The following ABCC9 variants were observed in gnomAD, a reference collection of about 807,000 sequenced individuals.
ABCC9 encodes ATP binding cassette subfamily C member 9.
In ABCC9, 95 loss-of-function variants were observed where a neutral mutation model predicts 188.3. The ratio of observed to expected loss-of-function variants is 0.50; its 90% CI spans 0.43 to 0.60. The LOEUF is 0.60. Ranked by LOEUF, ABCC9 falls within the 20% of genes least tolerant of loss-of-function variation. ABCC9 has a pLI of 0.00. For missense variants in ABCC9, 1,102 were observed against 1,876.3 expected (o/e 0.59, Z 7.62); for synonymous variants, 659 against 652.7 (o/e 1.01, Z -0.15).
At chr12:21,868,289 T>C (rs1420393763) in intron 18 of ABCC9, among the ~76,000 whole-genome samples, 1 of 152,164 alleles carries the variant, frequency 6.6e-6, no homozygotes, top group Non-Finnish European at 1.5e-5. Flanking sequence ...CCTGCTGCAG[T>C]AGGTCAGAGT....
chr12:21,830,931 G>T (rs535369395), intron 30 of ABCC9: 1 of 151,902 alleles, frequency 6.6e-6, no homozygotes, highest in Non-Finnish European at 1.5e-5. Flanking sequence ...GATGTTCAAA[G>T]GGTTATAGGA....
intron 5 of ABCC9, among the ~76,000 whole-genome samples, chr12:21,918,471 AC>A (rs1220818400): frequency 3.9e-5 from 6 of 152,192 alleles, no homozygotes. Context: ...ATTTGAAATA[AC>A]AGAAATCATA....
intron 4 of ABCC9, among the ~76,000 whole-genome samples, chr12:21,926,708 G>C (rs1449394244): frequency 1.3e-5 from 2 of 152,184 alleles, no homozygotes; most frequent in African/African-American, 4.8e-5. Context: ...TCAAGAATCA[G>C]GAATGGCTAC....
At chr12:21,836,164 G>C (rs554045342) in intron 30 of ABCC9, among the ~76,000 whole-genome samples, 68 of 152,168 alleles carry the variant, frequency 4.5e-4, no homozygotes, top group Middle Eastern at 3.4e-3. Context: ...GAGTCTCCTT[G>C]TCTCGGGCGT....
intron 15 of ABCC9, among the ~76,000 whole-genome samples, chr12:21,885,901 A>G (rs1300294740): frequency 6.6e-6 from 1 of 152,196 alleles, no homozygotes. Context: ...TATAATATAG[A>G]TTGATTTCCT....
In ABCC9 at chr12:21,838,187, CA is replaced by C; in HGVS notation, c.3474-18del. ...TGGAGGTCCCTAGTAGAGAGAGGGG[CA>C]AAAATAAACTTCATGTGCATCCAGA... On this transcript the variant is annotated intron_variant, in intron 29 of 39. Coordinates refer to ENST00000261200, the MANE Select transcript of ABCC9 (RefSeq NM_020297.4). 6.5e-7 allele frequency: 1 copy of C among 1,533,470 alleles called. No homozygotes were observed. The highest frequency in any genetic ancestry group is 9.0e-7 in the Non-Finnish European group (1 of 1,106,776). The allele number at this position is 1,533,470 out of a possible 1,614,324, so 95.0% of individuals were successfully genotyped here.
At chr12:21,823,650 GAAAGACAGCCTTTAGAT>G (rs1943184071) in intron 31 of ABCC9, among the ~76,000 whole-genome samples, 1 of 152,184 alleles carries the variant, frequency 6.6e-6, no homozygotes, top group African/African-American at 2.4e-5. Flanking sequence ...CAAAGCCTTG[GAAAGACAGCCTTTAGAT>G]AAAGTTACAC....
At chr12:21,839,912 G>A (rs1043160396) in intron 29 of ABCC9, among the ~76,000 whole-genome samples, 5 of 152,124 alleles carry the variant, frequency 3.3e-5, no homozygotes, top group Non-Finnish European at 7.4e-5. Context: ...AGTGGGAGAA[G>A]GAATATGAAG....
intron 37 of ABCC9, among the ~76,000 whole-genome samples, chr12:21,809,577 C>A (rs1022743156): frequency 6.6e-6 from 1 of 152,054 alleles, no homozygotes; most frequent in South Asian, 2.1e-4. Context: ...TTACAATGAC[C>A]TGTACCCACC....
chr12:21,873,294 G>A (rs1946174184), intron 17 of ABCC9, among the ~76,000 whole-genome samples: 1 of 152,048 alleles, frequency 6.6e-6, no homozygotes, highest in African/African-American at 2.4e-5. Context: ...TGATGCTATT[G>A]TGGATAGTAT....
chr12:21,903,054 G>A (rs1303349288), intron 12 of ABCC9, among the ~76,000 whole-genome samples: 1 of 152,148 alleles, frequency 6.6e-6, no homozygotes, highest in Non-Finnish European at 1.5e-5. Flanking sequence ...TAAAATACTG[G>A]TAAACTGAAT....
chr12:21,826,219 A>G (rs1943370121), intron 31 of ABCC9, among the ~76,000 whole-genome samples: 2 of 152,178 alleles, frequency 1.3e-5, no homozygotes, highest in Admixed American at 1.3e-4. Context: ...TACCATAGAT[A>G]AGATCAATGC....
intron 24 of ABCC9, among the ~76,000 whole-genome samples, chr12:21,850,083 C>G (rs1236901040): frequency 1.3e-5 from 2 of 151,592 alleles, no homozygotes; most frequent in African/African-American, 4.9e-5. Flanking sequence ...AGCCTTGACA[C>G]AGTTGACATT....
intron 12 of ABCC9, among the ~76,000 whole-genome samples, chr12:21,898,126 C>G (rs547171782): frequency 1.3e-5 from 2 of 152,178 alleles, no homozygotes; most frequent in South Asian, 2.1e-4. Flanking sequence ...CTGCTGCACT[C>G]TGGCCTGGGT....
rs542171985 is a variant in ABCC9 at position 21,897,326 on chromosome 12, G to A, written c.1619-2011C>T. Among the ~76,000 whole-genome samples, 8 of 152,192 alleles carry A rather than the reference G, an allele frequency of 5.3e-5. No individual in the cohort carries two copies. In the East Asian group the frequency reaches 1.2e-3, roughly 22 times the overall value. ...GATTCTGGATATTAGACAATTTTCA[G>A]ATGGATAGATCGCAAACATTTCCTC... On this transcript the variant is annotated intron_variant, in intron 12 of 39. Coordinates refer to ENST00000261200, the MANE Select transcript of ABCC9 (RefSeq NM_020297.4).
intron 31 of ABCC9, among the ~76,000 whole-genome samples, chr12:21,824,776 C>T (rs934299205): frequency 6.6e-6 from 1 of 152,124 alleles, no homozygotes; most frequent in Non-Finnish European, 1.5e-5. Flanking sequence ...AGTTTATTTG[C>T]ATAGAGGTGT....
intron 39 of ABCC9, among the ~76,000 whole-genome samples, chr12:21,804,507 C>G (rs1237839050): frequency 6.6e-6 from 1 of 152,154 alleles, no homozygotes; most frequent in Admixed American, 6.5e-5. Context: ...AATTCTTTTT[C>G]AAGTTAACCA....
intron 5 of ABCC9, among the ~76,000 whole-genome samples, chr12:21,917,438 T>C (rs1948647609): frequency 6.6e-6 from 1 of 152,150 alleles, no homozygotes; most frequent in African/African-American, 2.4e-5. Context: ...TCTGGTCCTG[T>C]TTTCAAAGAG....
rs55794995 is a variant in ABCC9, at chr12:21,807,035, G to A, written c.4449+311C>T. On this transcript the variant is annotated intron_variant, in intron 38 of 39. Transcript: ENST00000261200. ...TACTGCATTTCAGAACTTTTCTGGC[G>A]TAGTACTTGAATATAGTACAGTACC... Among the ~76,000 whole-genome samples, 301 of 152,188 alleles carry A rather than the reference G, an allele frequency of 2.0e-3. 1 individual carries two copies. The highest frequency in any genetic ancestry group is 6.4e-3 in the African/African-American group (267 of 41,548).
Sources: allele counts gnomAD v4.1 joint callset (sites outside exome capture counted in the v4.1 genomes callset), GRCh38; gene constraint gnomAD v4.1.1; transcripts MANE v1.5; gene names NCBI Gene and HGNC (gene_info 2026-07-23, HGNC 2026-07-21).